The following NAALADL2 variants were observed in gnomAD, a reference collection of about 807,000 sequenced individuals.
The protein encoded by NAALADL2 is N-acetylated alpha-linked acidic dipeptidase like 2.
NAALADL2 carries 76 observed loss-of-function variants against 87.2 expected under a neutral mutation model. That is an observed-to-expected ratio of 0.87 (90% CI 0.72 to 1.05). The LOEUF (loss-of-function observed/expected upper bound fraction) is 1.05, where lower values mean the gene tolerates loss of function less well. NAALADL2 is among the 50% of genes least tolerant of loss of function. NAALADL2 has a pLI of 0.00. For missense variants in NAALADL2, 1,089 were observed against 945.8 expected (o/e 1.15, Z -1.99); for synonymous variants, 354 against 331.0 (o/e 1.07, Z -0.75).
chr3:175,578,413 A>G (rs1719231210), intron 10 of NAALADL2, among the ~76,000 whole-genome samples: 1 of 152,134 alleles, frequency 6.6e-6, no homozygotes, highest in Admixed American at 6.5e-5. Flanking sequence ...AGCCTGGGTG[A>G]CAGAGTGAGA....
chr3:175,639,318 C>CTTTTTTTTTTTTTTTTTTTTTTTTTTTT (rs756214274), intron 11 of NAALADL2, among the ~76,000 whole-genome samples: 2 of 108,718 alleles, frequency 1.8e-5, no homozygotes, highest in African/African-American at 8.3e-5. Flanking sequence ...AAGCGTTATT[C>CTTTTTTTTTTTTTTTTTTTTTTTTTTTT]TTTTTTTTTT....
At chr3:175,179,952 A>G (rs972616194) in intron 2 of NAALADL2, among the ~76,000 whole-genome samples, 2 of 151,986 alleles carry the variant, frequency 1.3e-5, no homozygotes, top group African/African-American at 2.4e-5. Flanking sequence ...ACATTCACTG[A>G]CAGCACTAAC....
chr3:175,321,295 G>C (rs1347337154), intron 4 of NAALADL2, among the ~76,000 whole-genome samples: 1 of 124,794 alleles, frequency 8.0e-6, no homozygotes, highest in Non-Finnish European at 1.6e-5. Context: ...AACCCTTCAT[G>C]CTAAAAACTC....
At position 175,285,517 on chromosome 3, in the gene NAALADL2, C is replaced by G. The variant is rs112951276; in HGVS notation, c.939+28987C>G. ...ATGAAGAAGTAGTATACATTCATTC[C>G]TATTTGACCTGATAGTGTGACTCAT... On this transcript the variant is annotated intron_variant, in intron 4 of 13. Coordinates refer to ENST00000454872, the MANE Select transcript of NAALADL2 (RefSeq NM_207015.3). 3.5e-3 allele frequency among the ~76,000 whole-genome samples: 533 copies of G among 152,188 alleles called. 7 individuals carry two copies. Among genetic ancestry groups the G allele is most frequent in the African/African-American group, 0.012 (506 of 41,530 alleles).
intron 5 of NAALADL2, among the ~76,000 whole-genome samples, chr3:175,439,139 A>G (rs1719259867): frequency 6.6e-6 from 1 of 152,108 alleles, no homozygotes; most frequent in Non-Finnish European, 1.5e-5. Context: ...ACTTAGAATA[A>G]TGATCTCCAA....
intron 3 of NAALADL2, among the ~76,000 whole-genome samples, chr3:174,824,871 AT>A (rs1721812852): frequency 6.6e-6 from 1 of 152,306 alleles, no homozygotes; most frequent in African/African-American, 2.4e-5. Context: ...CATCAAAAAA[AT>A]AAGACTGTTA....
chr3:175,000,236 C>T (rs529929762), intron 1 of NAALADL2, among the ~76,000 whole-genome samples: 10 of 152,034 alleles, frequency 6.6e-5, no homozygotes, highest in African/African-American at 1.9e-4. Context: ...TAAGAAAGAC[C>T]GATCAATAAT....
intron 5 of NAALADL2, among the ~76,000 whole-genome samples, chr3:175,339,642 G>A (rs1013712473): frequency 6.6e-6 from 1 of 152,126 alleles, no homozygotes; most frequent in African/African-American, 2.4e-5. Flanking sequence ...TACATAAAGT[G>A]CTGACGGCTT....
intron 2 of NAALADL2, among the ~76,000 whole-genome samples, chr3:174,645,390 C>T (rs1021024932): frequency 3.3e-5 from 5 of 152,182 alleles, no homozygotes; most frequent in East Asian, 3.9e-4. Flanking sequence ...AACAAAAGCT[C>T]GGAGGAATAG....
chr3:175,014,907 G>T (rs1423642679), intron 1 of NAALADL2, among the ~76,000 whole-genome samples: 1 of 151,542 alleles, frequency 6.6e-6, no homozygotes, highest in South Asian at 2.1e-4. Flanking sequence ...TTTCGTAAGG[G>T]GACTGGATCT....
intron 1 of NAALADL2, among the ~76,000 whole-genome samples, chr3:174,871,957 G>A (rs1727883137): frequency 6.6e-6 from 1 of 152,048 alleles, no homozygotes; most frequent in Admixed American, 6.6e-5. Flanking sequence ...ACATTATCCA[G>A]TGCTACTCTT....
chr3:175,396,222 T>C (rs923912829), intron 5 of NAALADL2, among the ~76,000 whole-genome samples: 7 of 152,184 alleles, frequency 4.6e-5, no homozygotes, highest in African/African-American at 1.7e-4. Context: ...TACAATGATG[T>C]TGTAAGTCAT....
At chr3:175,726,063 G>GA (rs1426975231) in intron 11 of NAALADL2, among the ~76,000 whole-genome samples, 1 of 151,848 alleles carries the variant, frequency 6.6e-6, no homozygotes, top group Non-Finnish European at 1.5e-5. Context: ...TCCCTCTCTA[G>GA]AAACAATATG....
intron 11 of NAALADL2, among the ~76,000 whole-genome samples, chr3:175,642,563 C>A (rs552882389): frequency 2.0e-5 from 3 of 149,554 alleles, no homozygotes; most frequent in Non-Finnish European, 3.0e-5. Context: ...TGCAGTGGTG[C>A]GATCTCGGCT....
chr3:174,907,869 C>A (rs761787836), intron 1 of NAALADL2, among the ~76,000 whole-genome samples: 1 of 152,146 alleles, frequency 6.6e-6, no homozygotes, highest in South Asian at 2.1e-4. Flanking sequence ...TGACTAGGTG[C>A]AAGACTCAGA....
At chr3:175,171,134 C>T (rs1293605015) in intron 2 of NAALADL2, among the ~76,000 whole-genome samples, 9 of 151,804 alleles carry the variant, frequency 5.9e-5, no homozygotes, top group Non-Finnish European at 5.9e-5. Flanking sequence ...AATTTTCAAA[C>T]CCTTAAGAAC....
chr3:175,758,345 A>G lies in NAALADL2; in HGVS notation c.2189+2927A>G, dbSNP rs1327771669. On this transcript the variant is annotated intron_variant, in intron 13 of 13. Transcript: ENST00000454872. ...ATTACTATAGTTATTGAAGGAATAC[A>G]TGTCTGCCGTTCTTTTCCTTAGCTC... Among the ~76,000 whole-genome samples, 4 of 151,930 alleles carry G rather than the reference A, an allele frequency of 2.6e-5. No individual in the cohort carries two copies. The East Asian group carries it at 7.7e-4, about 29-fold the overall frequency.
At chr3:175,503,505 A>G (rs1274732299) in intron 9 of NAALADL2, among the ~76,000 whole-genome samples, 1 of 152,134 alleles carries the variant, frequency 6.6e-6, no homozygotes, top group Non-Finnish European at 1.5e-5. Context: ...GAAATTGCCA[A>G]ACCACTTTCC....
intron 2 of NAALADL2, among the ~76,000 whole-genome samples, chr3:174,725,010 A>G (rs1177307017): frequency 6.6e-6 from 1 of 152,228 alleles, no homozygotes; most frequent in Non-Finnish European, 1.5e-5. Context: ...TCATGGAGGT[A>G]GTTTCAGCAT....
Sources: gnomAD v4.1 joint callset for allele counts (sites outside exome capture counted in the v4.1 genomes callset) on GRCh38, gnomAD v4.1.1 for gene constraint, MANE v1.5 for transcripts, NCBI Gene and HGNC (gene_info 2026-07-23, HGNC 2026-07-21) for gene names.